Variants in ADGRG1 observed in about 807,000 individuals in gnomAD.
The protein encoded by ADGRG1 is adhesion G protein-coupled receptor G1, also known as 7-transmembrane protein with no EGF-like N-terminal domains-1.
A neutral mutation model predicts 73.5 loss-of-function variants in ADGRG1; 53 were observed. That is an observed-to-expected ratio of 0.72 (90% confidence interval 0.58 to 0.91). ADGRG1 has a LOEUF of 0.91. ADGRG1 is among the 40% of genes least tolerant of loss of function. The probability of loss-of-function intolerance (pLI) is 0.00; values close to 1 mark genes in which losing one functional copy is unlikely to be tolerated. For synonymous variants in ADGRG1, 394 were observed against 374.4 expected (o/e 1.05, Z -0.60); for missense variants, 795 against 871.8 (o/e 0.91, Z 1.11).
chr16:57,644,084 G>C, intron 1 of ADGRG1: 2 of 985,342 alleles, frequency 2.0e-6, no homozygotes, highest in Non-Finnish European at 2.4e-6. Flanking sequence ...ACACCTGCAA[G>C]AGCCCTGCTC....
chr16:57,628,462 C>T, upstream of ADGRG1: 4 of 958,046 alleles, frequency 4.2e-6, no homozygotes, highest in Non-Finnish European at 5.0e-6. Context: ...CCCCCAGGAT[C>T]ACTGCCTCAG....
intron 3 of ADGRG1, chr16:57,652,070 A>G: frequency 9.5e-7 from 1 of 1,049,752 alleles, no homozygotes. Context: ...GGATGCCCAA[A>G]GCTGCACAGC....
Position 57,661,844 on chromosome 16 carries a change from G to A in ADGRG1, c.1812G>A (p.Leu604=), listed in dbSNP as rs2047168732. The A allele has an allele frequency of 1.9e-6, 3 of 1,614,248 alleles. No individual in the cohort carries two copies. Among genetic ancestry groups the A allele is most frequent in the Non-Finnish European group, 2.5e-6 (3 of 1,180,026 alleles). The change falls in exon 13 of 14, where the codon CTG becomes CTA. Residue 604 remains leucine (L), a synonymous_variant. Coordinates refer to ENST00000562631, the MANE Select transcript of ADGRG1 (RefSeq NM_201525.4). ...ACACCCAAAAGTGGTCACATGTGCT[G>A]ACACTGCTGGGCCTCAGCCTGGTCC... ...RPHTQKWSHV[L]TLLGLSLVLG... is the part of the protein sequence containing the mutation.
intron 1 of ADGRG1, chr16:57,646,474 C>G: frequency 1.0e-6 from 1 of 985,364 alleles, no homozygotes; most frequent in Non-Finnish European, 1.2e-6. Flanking sequence ...CTGGCCTGTT[C>G]TGTCCTGTGT....
In ADGRG1 at chr16:57,659,676, G is replaced by T; in HGVS notation, c.1550G>T (p.Gly517Val). Residue 517 changes from glycine to valine, a missense_variant, in exon 11 of 14, where the codon GGC becomes GTC. Coordinates refer to ENST00000562631, the MANE Select transcript of ADGRG1 (RefSeq NM_201525.4). ...TACCTACTCAAGCTGAGCGCCATGG[G>T]CTGGGGTAAGTGGTTGGGCGGGGGG... ...PGYLLKLSAM[G>V]WGFPIFLVTL... 6.2e-7 allele frequency: 1 copy of T among 1,613,732 alleles called. No homozygotes were observed. The highest frequency in any genetic ancestry group is 8.5e-7 in the Non-Finnish European group (1 of 1,179,966).
upstream of ADGRG1, chr16:57,623,830 A>G (rs1454686472): frequency 1.0e-6 from 1 of 985,146 alleles, no homozygotes; most frequent in Non-Finnish European, 1.2e-6. Flanking sequence ...AGGCTTTCCC[A>G]CAGGAGATAG....
intron 13 of ADGRG1, 114 bp from the exon 14 acceptor site, chr16:57,663,338 T>C: frequency 6.5e-7 from 1 of 1,549,074 alleles, no homozygotes; most frequent in Admixed American, 1.9e-5. Context: ...AGCACGTGCT[T>C]GGCAAACACT....
chr16:57,621,719 A>G (rs2034858715), intron 2 of ADGRG1: 1 of 261,290 alleles, frequency 3.8e-6, no homozygotes, highest in African/African-American at 2.3e-5. Context: ...GCCTGACCAG[A>G]GGCACCTGAC....
chr16:57,640,832 G>A, intron 1 of ADGRG1: 1 of 954,758 alleles, frequency 1.0e-6, no homozygotes, highest in Non-Finnish European at 1.2e-6. Context: ...TAAGTGTCCT[G>A]CGCTCCAAAG....
Position 57,635,715 on chromosome 16 carries a change from G to T in ADGRG1, c.-36+6913G>T, listed in dbSNP as rs150440441. The T allele has an allele frequency of 2.1e-3, 2,029 of 985,362 alleles. 5 individuals are homozygous for T. The highest frequency in any genetic ancestry group is 2.3e-3 in the Non-Finnish European group (1,914 of 829,904). The allele number at this position is 985,362 out of a possible 1,614,324, so 61.0% of individuals were successfully genotyped here. A position where few individuals can be genotyped will look rare whatever the true frequency, so the allele number is the denominator to read the frequency against. ...GAGCCTCCCTTTCCCTCTCTATGGA[G>T]TAGCTGCTGCCGACTCTCCATGTCG... On this transcript the variant is annotated intron_variant, in intron 1 of 13. Coordinates refer to ENST00000562631, the MANE Select transcript of ADGRG1 (RefSeq NM_201525.4).
intron 1 of ADGRG1, chr16:57,647,514 C>T (rs1315811202): frequency 3.7e-6 from 3 of 814,332 alleles, no homozygotes; most frequent in Non-Finnish European, 4.5e-6. Context: ...TCATTTAATT[C>T]TCACAATGAC....
chr16:57,632,366 T>C, intron 1 of ADGRG1: 1 of 956,912 alleles, frequency 1.0e-6, no homozygotes, highest in Non-Finnish European at 1.2e-6. Context: ...GGCCTGTGCC[T>C]CGGTTTCCTC....
At chr16:57,652,636 T>C in intron 3 of ADGRG1, 1 of 985,170 alleles carries the variant, frequency 1.0e-6, no homozygotes, top group Non-Finnish European at 1.2e-6. Context: ...AAACCCAGGC[T>C]TTCTCGGTTA....
chr16:57,661,542 C>G, intron 12 of ADGRG1, 155 bp from the exon 13 acceptor site: 3 of 984,350 alleles, frequency 3.0e-6, no homozygotes, highest in Non-Finnish European at 3.6e-6. Context: ...CTTGTTAACT[C>G]AAATGTATTT....
chr16:57,648,610 C>T (rs761129265), intron 1 of ADGRG1: 44 of 984,734 alleles, frequency 4.5e-5, no homozygotes, highest in Non-Finnish European at 4.9e-5. Flanking sequence ...ATGCTGCTCT[C>T]AATGATTTGG....
chr16:57,627,564 T>C (rs1189627982), upstream of ADGRG1: 1 of 153,106 alleles, frequency 6.5e-6, no homozygotes, highest in Non-Finnish European at 1.5e-5. Context: ...TACCAGGCAC[T>C]GGTCTGAGTA....
rs369262264 is a variant in ADGRG1, at chr16:57,663,613, C to T, written c.*31C>T. On this transcript the variant is annotated 3_prime_UTR_variant, in exon 14 of 14. Transcript: ENST00000562631. ...CAGCCCACCTGCCCATGTGATGAAG[C>T]AGAGATTCGGCCTCGTCGCACACTG... 7 of 1,608,684 alleles carry T rather than the reference C, an allele frequency of 4.4e-6. No individual in the cohort carries two copies. In the African/African-American group the frequency reaches 9.3e-5, roughly 21 times the overall value.
chr16:57,651,001 C>T (rs993047515), intron 2 of ADGRG1, 199 bp from the exon 3 acceptor site: 8 of 980,734 alleles, frequency 8.2e-6, no homozygotes, highest in Non-Finnish European at 9.7e-6. Context: ...AGCCACCGCG[C>T]CCGGCCTCAG....
rs566888470 is a variant in ADGRG1, at chr16:57,653,775, A to G, written c.621-211A>G. The G allele has an allele frequency of 4.1e-6, 4 of 980,628 alleles. No individual in the cohort carries two copies. In the Admixed American group the frequency reaches 2.5e-4, roughly 60 times the overall value. The allele number at this position is 980,628 out of a possible 1,614,324, so 60.7% of individuals were successfully genotyped here. On this transcript the variant is annotated intron_variant, in intron 4 of 13. Transcript: ENST00000562631. ...GGCCTCCTCTGTCTGACCCTACCCC[A>G]GCTCATTCTTTCTCTCCCACACGCA...
Sources: allele counts gnomAD v4.1 joint callset, GRCh38; gene constraint gnomAD v4.1.1; transcripts MANE v1.5; gene names NCBI Gene and HGNC (gene_info 2026-07-23, HGNC 2026-07-21).